The following ST3GAL5 variants were observed in gnomAD, a reference collection of about 807,000 sequenced individuals.
ST3GAL5 encodes the protein ST3 beta-galactoside alpha-2,3-sialyltransferase 5.
In ST3GAL5, 25 loss-of-function variants were observed where a neutral mutation model predicts 46.1. That is an observed-to-expected ratio of 0.54 (90% CI 0.40 to 0.76). The LOEUF (loss-of-function observed/expected upper bound fraction) is 0.76. ST3GAL5 is among the 30% of genes least tolerant of loss of function. The pLI is 0.00. For missense variants in ST3GAL5, 431 were observed against 521.2 expected, an observed-to-expected ratio of 0.83 and a Z score of 1.69; for synonymous variants, 182 against 192.7, an observed-to-expected ratio of 0.94 and a Z score of 0.46.
At position 85,863,224 on chromosome 2, in the gene ST3GAL5, T is replaced by C. The variant is rs1225605120; in HGVS notation, c.206+138A>G. The C allele has an allele frequency of 5.9e-6, 9 of 1,519,286 alleles. 1 individual carries two copies. The highest frequency in any genetic ancestry group is 8.1e-6 in the Non-Finnish European group (9 of 1,108,770). The allele number at this position is 1,519,286 out of a possible 1,614,324, so 94.1% of individuals were successfully genotyped here. A position where few individuals can be genotyped will look rare whatever the true frequency, so the allele number is the denominator to read the frequency against. ...ACTCAGTCTTTACTCAGACGTGCCT[T>C]TGAATGTCTGAGGCATCCTTTGACC... On this transcript the variant is annotated intron_variant, in intron 2 of 6. Transcript: ENST00000638572.
rs183913303 is a variant in ST3GAL5, at chr2:85,867,999, C to T, written c.83-4514G>A. 5.0e-4 allele frequency: 136 copies of T among 271,498 alleles called. 2 individuals are homozygous for T. The East Asian group carries it at 7.9e-3, about 16-fold the overall frequency. The allele number at this position is 271,498 out of a possible 1,614,324, so 16.8% of individuals were successfully genotyped here. A position where few individuals can be genotyped will look rare whatever the true frequency, so the allele number is the denominator to read the frequency against. On this transcript the variant is annotated intron_variant, in intron 1 of 6. Transcript: ENST00000638572. ...TTCAGCTCAGCAGGCATTACTTCTT[C>T]TGATTTGCAAGGGACCATGTGGATT...
At chr2:85,880,347 A>C (rs1687012726) in intron 1 of ST3GAL5, among the ~76,000 whole-genome samples, 1 of 152,136 alleles carries the variant, frequency 6.6e-6, no homozygotes, top group Non-Finnish European at 1.5e-5. Flanking sequence ...AAAACATATA[A>C]TTTTCTTTTA....
chr2:85,853,037 G>C, intron 3 of ST3GAL5: 1 of 1,304,264 alleles, frequency 7.7e-7, no homozygotes, highest in Middle Eastern at 2.1e-4. Context: ...AGAAGCGGCT[G>C]AGTCCATCTG....
rs376681821 is a variant in ST3GAL5, at chr2:85,857,954, T to A, written c.318+3227A>T. 1.3e-3 allele frequency among the ~76,000 whole-genome samples: 194 copies of A among 152,202 alleles called. 5 individuals carry two copies. In the South Asian group the frequency reaches 0.038, roughly 30 times the overall value. On this transcript the variant is annotated intron_variant, in intron 3 of 6. Transcript: ENST00000638572. The stretch of plus-strand genomic sequence containing the variant: ...GTACTATGTATTTTTACAGACATAG[T>A]CCCTACTCTCAAGTAACTTATACTT...
intron 1 of ST3GAL5, among the ~76,000 whole-genome samples, chr2:85,871,280 T>C (rs1195975747): frequency 6.6e-6 from 1 of 152,198 alleles, no homozygotes. Flanking sequence ...GTTGGGAATA[T>C]TTCAAATCTT....
chr2:85,875,556 A>G (rs1686447699), intron 1 of ST3GAL5: 1 of 152,156 alleles, frequency 6.6e-6, no homozygotes, highest in African/African-American at 2.4e-5. Context: ...CTACATTTCA[A>G]AGGAAGAACA....
In ST3GAL5 at chr2:85,840,408, G is replaced by C; in HGVS notation, c.1009-16C>G. On this transcript the variant is annotated splice_polypyrimidine_tract_variant and intron_variant, in intron 6 of 6. Transcript: ENST00000638572. ...TGGGGACGTTCTGAGAAAGGGAAAA[G>C]AAGACCAAAAAGTAAAAAAAAATTT... The C allele has an allele frequency of 6.2e-7, 1 of 1,613,854 alleles. No individual in the cohort carries two copies. Among genetic ancestry groups the C allele is most frequent in the Non-Finnish European group, 8.5e-7 (1 of 1,179,888 alleles).
intron 1 of ST3GAL5, among the ~76,000 whole-genome samples, chr2:85,865,067 C>A (rs938040699): frequency 4.6e-5 from 7 of 152,166 alleles, no homozygotes; most frequent in South Asian, 4.1e-4. Flanking sequence ...TGGGACAATC[C>A]CATAGGGCAG....
At chr2:85,861,519 T>C (rs1373641698) in intron 2 of ST3GAL5, among the ~76,000 whole-genome samples, 1 of 152,082 alleles carries the variant, frequency 6.6e-6, no homozygotes, top group African/African-American at 2.4e-5. Context: ...AAAAAACTTT[T>C]TTTGCAAGAG....
At chr2:85,846,678 G>T in intron 4 of ST3GAL5, 115 bp from the exon 5 acceptor site, 1 of 994,888 alleles carries the variant, frequency 1.0e-6, no homozygotes, top group Non-Finnish European at 1.5e-6. Flanking sequence ...AAGAATGAGT[G>T]CATGGTTTGC....
intron 6 of ST3GAL5, among the ~76,000 whole-genome samples, chr2:85,841,525 G>C (rs1025176453): frequency 3.9e-5 from 6 of 152,156 alleles, no homozygotes; most frequent in African/African-American, 1.4e-4. Context: ...TGTAGAAATA[G>C]GGTTTCACCA....
intron 1 of ST3GAL5, among the ~76,000 whole-genome samples, chr2:85,874,968 A>T (rs1686359735): frequency 6.6e-6 from 1 of 152,126 alleles, no homozygotes; most frequent in Non-Finnish European, 1.5e-5. Context: ...TTTTCAAACA[A>T]GACCCACCAT....
In ST3GAL5 at chr2:85,840,039, TG is replaced by T; in HGVS notation, c.*104del. ...GTTTTTAAATTAAAAGTTAAAAACA[TG>T]AGCTGCACTTCAAAGTATCTGCAGG... On this transcript the variant is annotated 3_prime_UTR_variant, in exon 7 of 7. Coordinates refer to ENST00000638572, the MANE Select transcript of ST3GAL5 (RefSeq NM_003896.4). 6.5e-7 allele frequency: 1 copy of T among 1,537,050 alleles called. No individual in the cohort carries two copies.
At chr2:85,853,154 G>T in intron 3 of ST3GAL5, 1 of 1,132,162 alleles carries the variant, frequency 8.8e-7, no homozygotes, top group Admixed American at 2.4e-5. Flanking sequence ...AGCCCAAACC[G>T]AAACTGACAT....
At chr2:85,871,778 G>A (rs946393404) in intron 1 of ST3GAL5, among the ~76,000 whole-genome samples, 6 of 152,210 alleles carry the variant, frequency 3.9e-5, no homozygotes, top group African/African-American at 1.4e-4. Flanking sequence ...CCTGGAACAA[G>A]AGGAGGGTAT....
intron 1 of ST3GAL5, chr2:85,888,386 C>T (rs548234564): frequency 7.6e-4 from 117 of 153,784 alleles, no homozygotes; most frequent in African/African-American, 2.7e-3. Context: ...CCCCACATCA[C>T]GCCTCCCCGA....
At chr2:85,880,805 C>G in intron 1 of ST3GAL5, 2 of 487,298 alleles carry the variant, frequency 4.1e-6, no homozygotes, top group Non-Finnish European at 4.0e-6. Context: ...GCCTGGGTGA[C>G]AGACCAAGAA....
In ST3GAL5 at chr2:85,847,944, C is replaced by T; in HGVS notation, c.579G>A (p.Arg193=). 6.2e-7 allele frequency: 1 copy of T among 1,614,206 alleles called. No individual in the cohort carries two copies. Among genetic ancestry groups the T allele is most frequent in the African/African-American group, 1.3e-5 (1 of 75,048 alleles). ...CTCCGCTTCCAATAACCACACAGCG[C>T]CGACAGGTCTTGGCTTTCAAGTGTT... The part of the protein sequence containing the change: ...LPEHLKAKTC[R]RCVVIGSGGI... Residue 193 remains arginine (R), a synonymous_variant, in exon 4 of 7, where the codon CGG becomes CGA. Transcript: ENST00000638572.
At chr2:85,873,023 A>G (rs1321204342) in intron 1 of ST3GAL5, among the ~76,000 whole-genome samples, 1 of 152,130 alleles carries the variant, frequency 6.6e-6, no homozygotes, top group Admixed American at 6.5e-5. Flanking sequence ...GGGCAGACAG[A>G]ATGAAGGGGC....
Sources: gnomAD v4.1 joint callset for allele counts (sites outside exome capture counted in the v4.1 genomes callset) on GRCh38, gnomAD v4.1.1 for gene constraint, MANE v1.5 for transcripts, NCBI Gene and HGNC (gene_info 2026-07-23, HGNC 2026-07-21) for gene names.